Variants in GIT1 observed in about 807,000 individuals in gnomAD.
GIT1 encodes the protein GIT ArfGAP 1, also known as ARF GTPase-activating protein GIT1.
A neutral mutation model predicts 91.7 loss-of-function variants in GIT1; 14 were observed. That is an observed-to-expected ratio of 0.15 (90% CI 0.10 to 0.24). The LOEUF (loss-of-function observed/expected upper bound fraction) is 0.24. GIT1 is among the 10% of genes least tolerant of loss of function. The pLI, the probability that GIT1 is intolerant of heterozygous loss-of-function variation, is 1.00. For missense variants in GIT1, 717 were observed against 1,024.9 expected (o/e 0.70, Z 4.10); for synonymous variants, 414 against 418.2 (o/e 0.99, Z 0.12).
chr17:29,576,067 C>T lies in GIT1; in HGVS notation c.1665+11G>A, dbSNP rs753111437. 2 of 1,612,986 alleles carry T rather than the reference C, an allele frequency of 1.2e-6. No individual in the cohort carries two copies. Among genetic ancestry groups the T allele is most frequent in the East Asian group, 4.5e-5 (2 of 44,892 alleles). ...TACTGGCTAAGATGGACACGCCTTC[C>T]CCAGGCTTACCCGGTAAAGGCCAGC... is the stretch of plus-strand genomic sequence containing the variant. On this transcript the variant is annotated intron_variant, in intron 15 of 19. Transcript: ENST00000225394.
intron 1 of GIT1, among the ~76,000 whole-genome samples, chr17:29,585,229 C>T (rs2033555131): frequency 6.6e-6 from 1 of 152,102 alleles, no homozygotes; most frequent in African/African-American, 2.4e-5. Context: ...TCCCTCTCCC[C>T]ACTCCAAACA....
In GIT1 at chr17:29,581,792, T is replaced by A. The variant is rs141028367; in HGVS notation, c.668A>T (p.Gln223Leu). 5.6e-5 allele frequency: 90 copies of A among 1,612,422 alleles called. No individual in the cohort carries two copies. The highest frequency in any genetic ancestry group is 7.5e-5 in the Non-Finnish European group (89 of 1,179,982). ...GGCCAGCCGGTCAGTGAGCTCATAT[T>A]GGCACTCAACCAGCCTTTCCGCCAG... Reference protein sequence around the residue: ...HELAERLVECQYELTDRLAFY... With the variant: ...HELAERLVECLYELTDRLAFY... Residue 223 changes from glutamine (Q) to leucine (L), a missense_variant, in exon 6 of 20, where the codon CAA becomes CTA. Transcript: ENST00000225394. The surrounding 1 kb of genome is among the most constrained non-coding windows in gnomAD (Gnocchi z 4.8).
intron 1 of GIT1, among the ~76,000 whole-genome samples, chr17:29,587,463 G>A (rs551492994): frequency 6.6e-6 from 1 of 152,296 alleles, no homozygotes; most frequent in South Asian, 2.1e-4. Flanking sequence ...GGAGGCATCT[G>A]GGGCACAAAT....
chr17:29,585,172 C>G (rs561950688), intron 1 of GIT1, among the ~76,000 whole-genome samples: 48 of 152,186 alleles, frequency 3.2e-4, no homozygotes, highest in African/African-American at 1.1e-3. Flanking sequence ...GCATGCACTT[C>G]TGGGCTGGCT....
Position 29,578,362 on chromosome 17 carries a change from G to A in GIT1, c.820C>T (p.Arg274Trp), listed in dbSNP as rs747296151. The A allele has an allele frequency of 6.8e-6, 11 of 1,614,116 alleles. No individual in the cohort carries two copies. Among genetic ancestry groups the A allele is most frequent in the South Asian group, 1.1e-5 (1 of 91,080 alleles). Residue 274 changes from arginine to tryptophan, a missense_variant, in exon 9 of 20, where the codon CGG becomes TGG. This residue lies in a region of GIT1 where 271 missense variants were observed against 451.6 expected (regional missense o/e 0.60). Coordinates refer to ENST00000225394, the MANE Select transcript of GIT1 (RefSeq NM_014030.4). ...AKKKLQALSNRLFEELAMDVY... is the reference protein window; with the variant it reads ...AKKKLQALSNWLFEELAMDVY... ...TCCATGGCGAGTTCCTCAAAAAGCC[G>A]GTTGCTGAGCTGGAGGAAGAGAGGG...
chr17:29,580,776 CT>C (rs113414459), intron 7 of GIT1, among the ~76,000 whole-genome samples: 1,725 of 142,448 alleles, frequency 0.012, 21 homozygotes, highest in African/African-American at 0.033. Context: ...GTTTCTTTTT[CT>C]TTTTTTTTTT....
Position 29,575,245 on chromosome 17 carries a change from C to T in GIT1, c.2009+43G>A, listed in dbSNP as rs1474060535. Reference sequence around the variant, plus strand: ...ATGCTCTCTGCAACACCCTAGAAGCCAACAGGAACTGCATCCCCCTCACCT... The same window carrying T: ...ATGCTCTCTGCAACACCCTAGAAGCTAACAGGAACTGCATCCCCCTCACCT... On this transcript the variant is annotated intron_variant, in intron 18 of 19. Coordinates refer to ENST00000225394, the MANE Select transcript of GIT1 (RefSeq NM_014030.4). This position sits in a 1 kb window ranked among gnomAD's most constrained non-coding sequence, Gnocchi z 5.5. The T allele has an allele frequency of 1.3e-6, 2 of 1,582,654 alleles. No individual in the cohort carries two copies.
At position 29,581,278 on chromosome 17, in the gene GIT1, G is replaced by T; in HGVS notation, c.761+60C>A. The T allele has an allele frequency of 1.5e-6, 2 of 1,307,610 alleles. No homozygotes were observed. Among genetic ancestry groups the T allele is most frequent in the Non-Finnish European group, 2.2e-6 (2 of 901,924 alleles). 81.0% of individuals were successfully genotyped at this position (1,307,610 alleles called of 1,614,324 possible). On this transcript the variant is annotated intron_variant, in intron 7 of 19. Transcript: ENST00000225394. The surrounding 1 kb of genome is among the most constrained non-coding windows in gnomAD (Gnocchi z 4.8). ...TGAAACCTGGGCTGGGAGCTCTGGG[G>T]GTCAGCCACCCACATGGCATCCAAC...
chr17:29,585,913 C>T (rs780690375), intron 1 of GIT1, among the ~76,000 whole-genome samples: 3 of 152,132 alleles, frequency 2.0e-5, no homozygotes, highest in East Asian at 1.9e-4. Context: ...CCTGGGATCA[C>T]GTTAACCAGT....
chr17:29,578,838 C>G, intron 7 of GIT1, 59 bp from the exon 8 acceptor site: 1 of 1,571,984 alleles, frequency 6.4e-7, no homozygotes, highest in Non-Finnish European at 8.8e-7. Context: ...GGTGGCCAGG[C>G]CCATGCCAGC....
At chr17:29,577,087 C>T in intron 11 of GIT1, 49 bp downstream of exon 11, 1 of 1,606,432 alleles carries the variant, frequency 6.2e-7, no homozygotes, top group East Asian at 2.2e-5. Context: ...GCAGGAAAGA[C>T]CCCTGGAGCC....
rs531564696 is a variant in GIT1, at chr17:29,576,671, T to C, written c.1231A>G (p.Met411Val). 6.6e-5 allele frequency: 107 copies of C among 1,613,786 alleles called. No individual in the cohort carries two copies. The highest frequency in any genetic ancestry group is 8.8e-5 in the Non-Finnish European group (104 of 1,180,006). Residue 411 changes from methionine to valine, a missense_variant, in exon 13 of 20, where the codon ATG becomes GTG. Around this residue, in one of 3 missense-constraint regions of GIT1, gnomAD observed 312 missense variants for 349.5 expected, o/e 0.89. Transcript: ENST00000225394. Reference sequence around the variant, plus strand: ...CCGTCAGACAAGTCCGAGGAGTCCATGCTCTGCAGAGAGAGACCTAAGCTG... The same window carrying C: ...CCGTCAGACAAGTCCGAGGAGTCCACGCTCTGCAGAGAGAGACCTAAGCTG... ...GATRSNRARSMDSSDLSDGAV... is the reference protein window; with the variant it reads ...GATRSNRARSVDSSDLSDGAV...
Position 29,574,481 on chromosome 17 carries a change from G to A in GIT1, c.*221C>T, listed in dbSNP as rs1187711904. 6.5e-5 allele frequency: 40 copies of A among 613,114 alleles called. No individual in the cohort carries two copies. The highest frequency in any genetic ancestry group is 1.1e-4 in the Non-Finnish European group (38 of 341,512). 38.0% of individuals were successfully genotyped at this position (613,114 alleles called of 1,614,324 possible). The stretch of plus-strand genomic sequence containing the variant: ...GGGGAGATGCTATATACAGAGGGGA[G>A]GTGCATGGAATGTGGGGGACAGAAG... On this transcript the variant is annotated 3_prime_UTR_variant, in exon 20 of 20. Transcript: ENST00000225394.
rs553314326 is a variant in GIT1 at position 29,581,025 on chromosome 17, C to T, written c.761+313G>A. On this transcript the variant is annotated intron_variant, in intron 7 of 19. Transcript: ENST00000225394. This position sits in a 1 kb window ranked among gnomAD's most constrained non-coding sequence, Gnocchi z 4.8. ...AACTCCCGACCTCAGGTGATCCGCC[C>T]GCCTCGGCCTCCCAAAGTGCTGGGA... The T allele has an allele frequency of 2.6e-4, 95 of 359,748 alleles. No homozygotes were observed. Among genetic ancestry groups the T allele is most frequent in the African/African-American group, 1.6e-3 (80 of 48,644 alleles). The allele number at this position is 359,748 out of a possible 1,614,324, so 22.3% of individuals were successfully genotyped here.
chr17:29,585,858 C>T (rs144886591), intron 1 of GIT1, among the ~76,000 whole-genome samples: 3 of 152,276 alleles, frequency 2.0e-5, no homozygotes, highest in Admixed American at 6.5e-5. Context: ...CTGGCTCCAC[C>T]GGCAGGGTAT....
intron 7 of GIT1, among the ~76,000 whole-genome samples, chr17:29,579,706 G>C (rs1230813983): frequency 1.3e-5 from 2 of 151,532 alleles, no homozygotes; most frequent in East Asian, 3.9e-4. Flanking sequence ...CTGGGCAACA[G>C]AGCGAGACCC....
intron 7 of GIT1, chr17:29,579,254 A>C: frequency 1.9e-6 from 1 of 524,378 alleles, no homozygotes; most frequent in South Asian, 2.7e-5. Flanking sequence ...GTCCTAGTGA[A>C]GCTCCCCAGG....
In GIT1 at chr17:29,581,650, A is replaced by C; in HGVS notation, c.718+92T>G. 1 of 971,356 alleles carries C rather than the reference A, an allele frequency of 1.0e-6. No individual in the cohort carries two copies. Among genetic ancestry groups the C allele is most frequent in the Non-Finnish European group, 1.6e-6 (1 of 620,126 alleles). 60.2% of individuals were successfully genotyped at this position (971,356 alleles called of 1,614,324 possible). On this transcript the variant is annotated intron_variant, in intron 6 of 19. Coordinates refer to ENST00000225394, the MANE Select transcript of GIT1 (RefSeq NM_014030.4). This position sits in a 1 kb window ranked among gnomAD's most constrained non-coding sequence, Gnocchi z 4.8. The stretch of plus-strand genomic sequence containing the variant: ...AACATTGCTCCCCAGCCGCTCTGTC[A>C]CCATGGCACCTGCTGCCGGGTGCGT...
chr17:29,575,925 A>T lies in GIT1; in HGVS notation c.1666-27T>A. 1 of 1,582,314 alleles carries T rather than the reference A, an allele frequency of 6.3e-7. No individual in the cohort carries two copies. Among genetic ancestry groups the T allele is most frequent in the Non-Finnish European group, 8.6e-7 (1 of 1,157,154 alleles). On this transcript the variant is annotated intron_variant, in intron 15 of 19. Coordinates refer to ENST00000225394, the MANE Select transcript of GIT1 (RefSeq NM_014030.4). The surrounding 1 kb of genome is among the most constrained non-coding windows in gnomAD (Gnocchi z 5.5). ...TGAAACCCAGGGCAGCGCTGGATGG[A>T]GTCAGTGTGCCCCACTGCCCCCCTG...
Sources: allele counts gnomAD v4.1 joint callset (sites outside exome capture counted in the v4.1 genomes callset), GRCh38; gene constraint gnomAD v4.1.1; regional missense constraint gnomAD v4.1.1; non-coding constraint Gnocchi (gnomAD v3.1); transcripts MANE v1.5; gene names NCBI Gene and HGNC (gene_info 2026-07-23, HGNC 2026-07-21).